CEP104: variants seen among roughly 807,000 people sequenced by gnomAD.
CEP104 encodes the protein centrosomal protein 104, also known as centrosomal protein of 104 kDa.
Under a neutral mutation model 113.3 loss-of-function variants are expected in CEP104, and 84 were observed. That is an observed-to-expected ratio of 0.74 (90% CI 0.62 to 0.89). CEP104 has a LOEUF of 0.89. Among genes scored for constraint, CEP104 ranks in the 40% least tolerant of loss-of-function variants. The pLI is 0.00. For missense variants in CEP104, 1,053 were observed against 1,156.6 expected (o/e 0.91, Z 1.30); for synonymous variants, 378 against 421.7 (o/e 0.90, Z 1.27).
intron 14 of CEP104, 198 bp from the exon 15 acceptor site, chr1:3,829,571 C>T (rs563680254): frequency 1.1e-5 from 7 of 656,588 alleles, no homozygotes; most frequent in Admixed American, 2.9e-5. Context: ...TCACGGCTAT[C>T]GTTATTCCGT....
rs2124627014 is a variant in CEP104, at chr1:3,814,721, A to T, written c.*681T>A. 1 of 152,410 alleles carries T rather than the reference A, an allele frequency of 6.6e-6. No individual in the cohort carries two copies. Among genetic ancestry groups the T allele is most frequent in the Non-Finnish European group, 1.5e-5 (1 of 68,062 alleles). The allele number at this position is 152,410 out of a possible 1,614,324, so 9.4% of individuals were successfully genotyped here. ...GTCACAGGGGCAGCACTACTGGAGA[A>T]GCATCCAGCAAGGTGCGGCTGAGGT... On this transcript the variant is annotated 3_prime_UTR_variant, in exon 22 of 22. Transcript: ENST00000378230.
chr1:3,851,977 C>T (rs753672926), intron 2 of CEP104, among the ~76,000 whole-genome samples: 4 of 152,212 alleles, frequency 2.6e-5, no homozygotes, highest in Non-Finnish European at 5.9e-5. Flanking sequence ...TGCACAGAAA[C>T]TTGATGAGAA....
intron 6 of CEP104, chr1:3,843,387 T>C (rs2124683775): frequency 5.4e-6 from 3 of 550,528 alleles, no homozygotes; most frequent in Non-Finnish European, 6.5e-6. Flanking sequence ...TTTTTTTTTT[T>C]TTTTTTTGAG....
At chr1:3,853,941 C>CA (rs538839579) in intron 1 of CEP104, among the ~76,000 whole-genome samples, 648 of 152,132 alleles carry the variant, frequency 4.3e-3, no homozygotes, top group African/African-American at 0.015. Flanking sequence ...AAAAACCAAA[C>CA]AAAAAAAGAA....
chr1:3,855,501 G>A (rs1036948695), intron 1 of CEP104, among the ~76,000 whole-genome samples: 1 of 152,018 alleles, frequency 6.6e-6, no homozygotes, highest in African/African-American at 2.4e-5. Context: ...TCTCTGTTAC[G>A]GCTCGAAGAC....
intron 20 of CEP104, among the ~76,000 whole-genome samples, chr1:3,818,716 G>A (rs578170039): frequency 6.6e-6 from 1 of 152,204 alleles, no homozygotes; most frequent in East Asian, 1.9e-4. Flanking sequence ...ATGAAGAGGA[G>A]GTTCTCACCT....
At chr1:3,827,500 A>T (rs1443004052) in intron 15 of CEP104, among the ~76,000 whole-genome samples, 3 of 152,206 alleles carry the variant, frequency 2.0e-5, no homozygotes, top group African/African-American at 7.2e-5. Context: ...AATTACAGGC[A>T]TGAGTCACTG....
In CEP104 at chr1:3,836,492, TACC is replaced by T; in HGVS notation, c.1317_1317+2del. 2 of 1,543,050 alleles carry T rather than the reference TACC, an allele frequency of 1.3e-6. No homozygotes were observed. Among genetic ancestry groups the T allele is most frequent in the Admixed American group, 2.0e-5 (1 of 49,216 alleles). On this transcript the variant is annotated splice_donor_variant and coding_sequence_variant, in exon 10 of 22. Transcript: ENST00000378230. LOFTEE classifies it high-confidence loss of function. ...CGTTTTTTTTTTTTTTTTTTTTTTT[TACC>T]AAGGTTTCTCCCAACACATCGATGG...
chr1:3,829,926 C>T lies in CEP104; in HGVS notation c.1908G>A (p.Met636Ile). The change falls in exon 14 of 22, where the codon ATG (methionine) becomes ATA (isoleucine). Residue 636 changes from methionine to isoleucine, a missense_variant. Transcript: ENST00000378230. ...RETAVRIILD[M>I]YRQHQASILE... ...GGATGGAAGCCTGGTGCTGTCTGTA[C>T]ATGTCCAAAATAATTCGAACCGCCG... The T allele has an allele frequency of 6.2e-7, 1 of 1,614,176 alleles. No homozygotes were observed. The highest frequency in any genetic ancestry group is 2.2e-5 in the East Asian group (1 of 44,882).
chr1:3,818,065 C>T (rs944397068), intron 20 of CEP104, among the ~76,000 whole-genome samples: 9 of 152,232 alleles, frequency 5.9e-5, no homozygotes, highest in East Asian at 3.9e-4. Context: ...AAGAGCCAGG[C>T]GGCTGCGATC....
intron 10 of CEP104, 104 bp downstream of exon 10, chr1:3,836,391 T>C (rs1644311170): frequency 8.6e-7 from 1 of 1,163,742 alleles, no homozygotes; most frequent in East Asian, 2.5e-5. Context: ...TGCAAAGCCG[T>C]GGGCGTTTTC....
At chr1:3,829,233 A>G in intron 15 of CEP104, 33 bp downstream of exon 15, 1 of 1,422,898 alleles carries the variant, frequency 7.0e-7, no homozygotes. Flanking sequence ...TTCAGCTAAA[A>G]GCACACAGGT....
rs61740614 is a variant in CEP104, at chr1:3,837,328, C to G, written c.1083G>C (p.Pro361=). 1.9e-6 allele frequency: 3 copies of G among 1,613,648 alleles called. No homozygotes were observed. The highest frequency in any genetic ancestry group is 2.5e-6 in the Non-Finnish European group (3 of 1,179,752). Residue 361 remains proline, a synonymous_variant, in exon 9 of 22, where the codon CCG becomes CCC. Transcript: ENST00000378230. Reference sequence around the variant, plus strand: ...GATGAGGATCTGTGGCAGGGAGTAACGGGTCTACTGCAGAATGCTGAGGAG... The same window carrying G: ...GATGAGGATCTGTGGCAGGGAGTAAGGGGTCTACTGCAGAATGCTGAGGAG... The part of the protein sequence containing the change: ...TISPQHSAVD[P]LLPATDPHPK...
Position 3,829,962 on chromosome 1 carries a change from C to T in CEP104, c.1872G>A (p.Glu624=). 3.7e-6 allele frequency: 6 copies of T among 1,614,174 alleles called. No homozygotes were observed. The highest frequency in any genetic ancestry group is 5.1e-6 in the Non-Finnish European group (6 of 1,180,036). The part of the protein sequence containing the change: ...SVSALEHRVY[E]VRETAVRIIL... ...TAATTCGAACCGCCGTCTCGCGGAC[C>T]TCATACACTCTATGCTCCAGGGCAC... Residue 624 remains glutamate, a synonymous_variant, in exon 14 of 22, where the codon GAG becomes GAA. Coordinates refer to ENST00000378230, the MANE Select transcript of CEP104 (RefSeq NM_014704.4).
At chr1:3,843,437 CA>C (rs1190311785) in intron 6 of CEP104, 1 of 478,890 alleles carries the variant, frequency 2.1e-6, no homozygotes, top group African/African-American at 2.1e-5. Context: ...AATACAGTGG[CA>C]TGATCTCGGC....
At chr1:3,832,236 GTCGTAACCAGGAGTGTA>G (rs1208913489) in intron 12 of CEP104, among the ~76,000 whole-genome samples, 17 of 151,578 alleles carry the variant, frequency 1.1e-4, no homozygotes, top group South Asian at 4.2e-4. Context: ...AGCACATTAG[GTCGTAACCAGGAGTGTA>G]TTGTAACCAG....
intron 20 of CEP104, chr1:3,816,607 T>C: frequency 2.1e-6 from 1 of 482,468 alleles, no homozygotes; most frequent in Non-Finnish European, 3.7e-6. Flanking sequence ...CAAGCCTGCA[T>C]CTCGCATCCC....
In CEP104 at chr1:3,844,831, C is replaced by T. The variant is rs904039159; in HGVS notation, c.566+76G>A. 2.5e-5 allele frequency: 31 copies of T among 1,248,290 alleles called. No individual in the cohort carries two copies. The South Asian group carries it at 3.5e-4, about 14-fold the overall frequency. The allele number at this position is 1,248,290 out of a possible 1,614,324, so 77.3% of individuals were successfully genotyped here. A position where few individuals can be genotyped will look rare whatever the true frequency, so the allele number is the denominator to read the frequency against. ...AATTTAGAGGCTCTAAGTCCAGAAT[C>T]CTTTGGAAATGACTGACCCTTTCAG... On this transcript the variant is annotated intron_variant, in intron 6 of 21. Transcript: ENST00000378230.
At position 3,847,408 on chromosome 1, in the gene CEP104, T is replaced by A. The variant is rs112980667; in HGVS notation, c.426+67A>T. On this transcript the variant is annotated intron_variant, in intron 4 of 21. Transcript: ENST00000378230. ...CCTTGAAAATGCATCTAAGAAAAGATACGTGACCACATAATCCCACAAAGA... is the reference window on the plus strand; with the variant it reads ...CCTTGAAAATGCATCTAAGAAAAGAAACGTGACCACATAATCCCACAAAGA... The A allele has an allele frequency of 4.8e-5, 67 of 1,408,950 alleles. 2 individuals are homozygous for A. In the African/African-American group the frequency reaches 5.5e-4, roughly 12 times the overall value. 87.3% of individuals were successfully genotyped at this position (1,408,950 alleles called of 1,614,324 possible).
Sources: gnomAD v4.1 joint callset for allele counts (sites outside exome capture counted in the v4.1 genomes callset) on GRCh38, gnomAD v4.1.1 for gene constraint, MANE v1.5 for transcripts, NCBI Gene and HGNC (gene_info 2026-07-23, HGNC 2026-07-21) for gene names.